The following TENM1 variants were observed in gnomAD, a reference collection of about 807,000 sequenced individuals.
The protein encoded by TENM1 is teneurin transmembrane protein 1.
Under a neutral mutation model 174.8 loss-of-function variants are expected in TENM1, and 35 were observed. That is an observed-to-expected ratio of 0.20 (90% CI 0.15 to 0.27). The LOEUF (loss-of-function observed/expected upper bound fraction) is 0.27, where lower values mean the gene tolerates loss of function less well. Ranked by LOEUF, TENM1 falls within the 10% of genes least tolerant of loss-of-function variation. The pLI, the probability that TENM1 is intolerant of heterozygous loss-of-function variation, is 1.00. For missense variants in TENM1, 1,633 were observed against 2,130.1 expected (o/e 0.77, Z 4.59); for synonymous variants, 781 against 798.7 (o/e 0.98, Z 0.37).
chrX:124,933,868 T>G (rs985253780), intron 1 of TENM1, among the ~76,000 whole-genome samples: 23 of 112,130 alleles, frequency 2.1e-4, no homozygotes, highest in East Asian at 2.8e-4. Context: ...TCTATAATTT[T>G]TATAGAGCTA....
intron 16 of TENM1, 147 bp downstream of exon 19, chrX:124,529,717 G>C (rs1212751515): frequency 9.1e-6 from 7 of 771,580 alleles, no homozygotes; most frequent in Non-Finnish European, 1.3e-5. Context: ...TTAGGAAATA[G>C]AGGAAATAAA....
chrX:124,408,315 G>A (rs1569529706), intron 25 of TENM1, among the ~76,000 whole-genome samples: 1 of 110,457 alleles, frequency 9.1e-6, no homozygotes, highest in Non-Finnish European at 1.9e-5. Context: ...GCTAATTTTT[G>A]TATTTTTAGT....
chrX:124,704,197 T>A (rs2052842863), intron 5 of TENM1, among the ~76,000 whole-genome samples: 1 of 112,200 alleles, frequency 8.9e-6, no homozygotes, highest in Non-Finnish European at 1.9e-5. Context: ...CTGAAAATAA[T>A]TTATTAGGGA....
intron 23 of TENM1, among the ~76,000 whole-genome samples, chrX:124,451,658 T>C (rs2061037936): frequency 1.8e-5 from 2 of 112,022 alleles, no homozygotes; most frequent in Admixed American, 9.5e-5. Context: ...AGCATGGTAC[T>C]GGTACTGAAA....
At chrX:124,443,656 A>C (rs1189141120) in intron 23 of TENM1, among the ~76,000 whole-genome samples, 2 of 112,126 alleles carry the variant, frequency 1.8e-5, no homozygotes, top group African/African-American at 6.5e-5. Context: ...GTTGATTTGG[A>C]AAAGATCTTC....
the TENM1 span, among the ~76,000 whole-genome samples, chrX:125,099,639 T>G: frequency 8.9e-6 from 1 of 111,785 alleles, no homozygotes; most frequent in African/African-American, 3.2e-5. Flanking sequence ...TTCCATCTCC[T>G]CTTCTTGGGA....
intron 3 of TENM1, among the ~76,000 whole-genome samples, chrX:124,828,397 A>C (rs1382603492): frequency 8.9e-6 from 1 of 112,383 alleles, no homozygotes; most frequent in African/African-American, 3.2e-5. Flanking sequence ...AGTTGTTATT[A>C]TATTGTTTTA....
At chrX:124,628,537 T>G (rs2050689022) in intron 11 of TENM1, among the ~76,000 whole-genome samples, 1 of 111,595 alleles carries the variant, frequency 9.0e-6, no homozygotes, top group African/African-American at 3.2e-5. Flanking sequence ...AATAAGGAGA[T>G]ATTTTAATTA....
At chrX:124,980,765 C>A in the TENM1 span, among the ~76,000 whole-genome samples, 1 of 110,852 alleles carries the variant, frequency 9.0e-6, no homozygotes, top group Admixed American at 9.6e-5. Context: ...CCCTCACAGA[C>A]AGGGCTTATT....
At chrX:124,888,888 G>C (rs1390645640) in intron 3 of TENM1, among the ~76,000 whole-genome samples, 1 of 112,155 alleles carries the variant, frequency 8.9e-6, no homozygotes, top group Non-Finnish European at 1.9e-5. Flanking sequence ...CTAAGACTTG[G>C]AGATCTTTAG....
At chrX:124,576,653 A>C (rs187117374) in intron 11 of TENM1, among the ~76,000 whole-genome samples, 1 of 112,307 alleles carries the variant, frequency 8.9e-6, no homozygotes, top group African/African-American at 3.2e-5. Flanking sequence ...ATTATACTGC[A>C]TCTTGTCTAA....
intron 22 of TENM1, among the ~76,000 whole-genome samples, chrX:124,470,795 T>C (rs1321404267): frequency 9.1e-6 from 1 of 110,268 alleles, no homozygotes; most frequent in Non-Finnish European, 1.9e-5. Flanking sequence ...CCATCAGTAC[T>C]ATGACACTCC....
chrX:125,096,415 G>A, the TENM1 span, among the ~76,000 whole-genome samples: 1 of 112,286 alleles, frequency 8.9e-6, no homozygotes, highest in African/African-American at 3.2e-5. Context: ...ACATACTACA[G>A]TGAGTTTTCT....
intron 3 of TENM1, among the ~76,000 whole-genome samples, chrX:124,866,547 T>A (rs1302309890): frequency 2.7e-5 from 3 of 110,653 alleles, no homozygotes; most frequent in African/African-American, 9.8e-5. Context: ...AATGCCTACA[T>A]CAAAAAAGAG....
intron 3 of TENM1, among the ~76,000 whole-genome samples, chrX:124,759,155 T>C (rs1032510822): frequency 9.0e-6 from 1 of 111,325 alleles, no homozygotes; most frequent in African/African-American, 3.3e-5. Flanking sequence ...ATGGCGATAG[T>C]GTGATTCTGT....
At chrX:125,107,825 A>G in the TENM1 span, among the ~76,000 whole-genome samples, 1 of 111,868 alleles carries the variant, frequency 8.9e-6, no homozygotes, top group African/African-American at 3.2e-5. Context: ...TTTCAGAGAA[A>G]GAAGTACTCC....
rs146765142 is a variant in TENM1, at chrX:124,744,903, T to C, written c.536-7706A>G. Among the ~76,000 whole-genome samples, 351 of 111,981 alleles carry C rather than the reference T, an allele frequency of 3.1e-3. 5 individuals are homozygous for C. The highest frequency in any genetic ancestry group is 0.011 in the African/African-American group (342 of 30,896). On this transcript the variant is annotated intron_variant, in intron 3 of 31. Transcript: ENST00000422452. ...AGAATGCAAATCGCTCCAATGTTAT[T>C]TATAAAGATAGAACGCAATGTTTGA...
intron 11 of TENM1, among the ~76,000 whole-genome samples, chrX:124,577,555 C>T (rs1188483223): frequency 8.9e-6 from 1 of 111,926 alleles, no homozygotes; most frequent in Admixed American, 9.5e-5. Context: ...CATCAAGGCT[C>T]TATGGTTATT....
chrX:124,484,761 T>C (rs1419840514), intron 21 of TENM1, among the ~76,000 whole-genome samples: 3 of 111,043 alleles, frequency 2.7e-5, no homozygotes, highest in African/African-American at 6.6e-5. Context: ...GAATCAGCCA[T>C]TTCTCCAAAG....
Sources: allele counts gnomAD v4.1 joint callset (sites outside exome capture counted in the v4.1 genomes callset), GRCh38; gene constraint gnomAD v4.1.1; transcripts MANE v1.5; gene names NCBI Gene and HGNC (gene_info 2026-07-23, HGNC 2026-07-21).